MYRIP: variants seen among roughly 807,000 people sequenced by gnomAD.
MYRIP encodes the protein myosin VIIA and Rab interacting protein.
A neutral mutation model predicts 98.0 loss-of-function variants in MYRIP; 49 were observed. That is an observed-to-expected ratio of 0.50 (90% CI 0.40 to 0.63). The LOEUF (loss-of-function observed/expected upper bound fraction) is 0.63. Ranked by LOEUF, MYRIP falls within the 30% of genes least tolerant of loss-of-function variation. The probability of loss-of-function intolerance (pLI) is 0.00; values close to 1 mark genes in which losing one functional copy is unlikely to be tolerated. For missense variants in MYRIP, 1,004 were observed against 1,058.2 expected, an observed-to-expected ratio of 0.95 and a Z score of 0.71; for synonymous variants, 404 against 409.5, an observed-to-expected ratio of 0.99 and a Z score of 0.16.
intron 2 of MYRIP, among the ~76,000 whole-genome samples, chr3:40,025,158 C>G (rs1450341952): frequency 6.6e-6 from 1 of 152,176 alleles, no homozygotes; most frequent in Non-Finnish European, 1.5e-5. Flanking sequence ...GTAGCCTTAT[C>G]AGACAGCACT....
intron 3 of MYRIP, among the ~76,000 whole-genome samples, chr3:40,081,293 A>G (rs772224305): frequency 2.0e-5 from 3 of 152,126 alleles, no homozygotes; most frequent in Non-Finnish European, 4.4e-5. Context: ...TTCTTCCTCA[A>G]TTTTTGACTG....
At position 39,922,924 on chromosome 3, in the gene MYRIP, TA is replaced by T. The variant is rs546917984; in HGVS notation, c.110+22004del. Reference sequence around the variant, plus strand: ...GCAAAGATTTTAAAGCAGCCATGATTAAAAAATATATTTCAATGAGCAATTT... The same window carrying T: ...GCAAAGATTTTAAAGCAGCCATGATTAAAAATATATTTCAATGAGCAATTT... On this transcript the variant is annotated intron_variant, in intron 2 of 16. Transcript: ENST00000302541. Among the ~76,000 whole-genome samples, 362 of 152,168 alleles carry T rather than the reference TA, an allele frequency of 2.4e-3. 3 individuals are homozygous for T. The highest frequency in any genetic ancestry group is 0.02 in the Middle Eastern group (6 of 294).
At chr3:39,875,861 T>C (rs1942975991) in intron 1 of MYRIP, among the ~76,000 whole-genome samples, 1 of 152,046 alleles carries the variant, frequency 6.6e-6, no homozygotes, top group South Asian at 2.1e-4. Context: ...TTAGGTGCAC[T>C]TGGTGCAGAG....
At chr3:40,168,947 C>T (rs953651188) in intron 7 of MYRIP, among the ~76,000 whole-genome samples, 1 of 152,340 alleles carries the variant, frequency 6.6e-6, no homozygotes. Flanking sequence ...ACATCCCTTC[C>T]GTATGCCAAG....
At position 40,167,157 on chromosome 3, in the gene MYRIP, A is replaced by G; in HGVS notation, c.649-2A>G. Reference sequence around the variant, plus strand: ...CACACAGCCATTCTCTTCCCTCCTCAGGACAAGCAAAATGAGGCCAGTTAC... The same window carrying G: ...CACACAGCCATTCTCTTCCCTCCTCGGGACAAGCAAAATGAGGCCAGTTAC... On this transcript the variant is annotated splice_acceptor_variant, in intron 6 of 16. Transcript: ENST00000302541. LOFTEE classifies it high-confidence loss of function. 3 of 1,614,112 alleles carry G rather than the reference A, an allele frequency of 1.9e-6. No individual in the cohort carries two copies. Among genetic ancestry groups the G allele is most frequent in the South Asian group, 1.1e-5 (1 of 91,076 alleles).
intron 5 of MYRIP, 152 bp downstream of exon 5, chr3:40,162,962 G>C (rs899287423): frequency 1.6e-6 from 1 of 627,090 alleles, no homozygotes; most frequent in African/African-American, 1.8e-5. Context: ...ACTTATTATT[G>C]CCAATTGTAT....
chr3:40,008,578 C>A (rs1393006340), intron 2 of MYRIP, among the ~76,000 whole-genome samples: 1 of 152,126 alleles, frequency 6.6e-6, no homozygotes, highest in African/African-American at 2.4e-5. Flanking sequence ...ATTCCAGAAT[C>A]AAGAGCCAGC....
At chr3:40,057,217 A>G (rs1388326366) in intron 3 of MYRIP, among the ~76,000 whole-genome samples, 2 of 152,148 alleles carry the variant, frequency 1.3e-5, no homozygotes, top group East Asian at 3.9e-4. Flanking sequence ...ATTCACAAAA[A>G]GAGCCTCAAT....
At chr3:39,959,673 T>TA (rs1945272377) in intron 2 of MYRIP, among the ~76,000 whole-genome samples, 1 of 143,520 alleles carries the variant, frequency 7.0e-6, no homozygotes, top group African/African-American at 2.9e-5. Flanking sequence ...AAAGTATACT[T>TA]TAAAAAAAAA....
At chr3:39,826,822 A>T (rs906468749) in intron 1 of MYRIP, among the ~76,000 whole-genome samples, 3 of 152,118 alleles carry the variant, frequency 2.0e-5, no homozygotes, top group Non-Finnish European at 4.4e-5. Flanking sequence ...ATGCTCCAGT[A>T]TTGGTTGCAT....
chr3:39,970,669 A>T (rs1346897908), intron 2 of MYRIP, among the ~76,000 whole-genome samples: 1 of 152,098 alleles, frequency 6.6e-6, no homozygotes, highest in South Asian at 2.1e-4. Flanking sequence ...AAAATATTTG[A>T]GATCAGTGGG....
intron 2 of MYRIP, among the ~76,000 whole-genome samples, chr3:40,031,312 C>T (rs917156803): frequency 2.6e-5 from 4 of 152,078 alleles, no homozygotes; most frequent in Admixed American, 2.6e-4. Flanking sequence ...AAACATCACA[C>T]TGGGGGTTAG....
At chr3:40,238,408 T>G (rs1319202176) in intron 12 of MYRIP, among the ~76,000 whole-genome samples, 1 of 152,314 alleles carries the variant, frequency 6.6e-6, no homozygotes, top group Non-Finnish European at 1.5e-5. Context: ...CATTAAATCA[T>G]GGCTTTTGTT....
intron 2 of MYRIP, among the ~76,000 whole-genome samples, chr3:40,003,197 A>G (rs1342093255): frequency 1.3e-5 from 2 of 152,146 alleles, no homozygotes; most frequent in South Asian, 4.1e-4. Flanking sequence ...ATAGATATCT[A>G]TAAATGTGGA....
At chr3:39,866,033 T>C (rs981008527) in intron 1 of MYRIP, among the ~76,000 whole-genome samples, 1 of 152,140 alleles carries the variant, frequency 6.6e-6, no homozygotes, top group Admixed American at 6.6e-5. Context: ...GCAACATCAG[T>C]GTAGTTAGAG....
chr3:40,060,148 T>A (rs536366986), intron 3 of MYRIP, among the ~76,000 whole-genome samples: 83 of 150,064 alleles, frequency 5.5e-4, no homozygotes, highest in African/African-American at 1.5e-3. Context: ...TGAGTCTTTT[T>A]AAAAAAAAAA....
intron 12 of MYRIP, chr3:40,242,082 T>A (rs1041069972): frequency 6.6e-6 from 1 of 152,200 alleles, no homozygotes; most frequent in African/African-American, 2.4e-5. Flanking sequence ...TGAGATCACT[T>A]CTAGGCTCCA....
At chr3:39,886,857 A>C (rs2125652527) in intron 1 of MYRIP, among the ~76,000 whole-genome samples, 1 of 152,056 alleles carries the variant, frequency 6.6e-6, no homozygotes, top group Admixed American at 6.6e-5. Context: ...CATCTACAGA[A>C]CTCTCCACCC....
chr3:39,873,742 C>G (rs1279092536), intron 1 of MYRIP, among the ~76,000 whole-genome samples: 5 of 151,162 alleles, frequency 3.3e-5, no homozygotes, highest in Non-Finnish European at 7.4e-5. Flanking sequence ...GTTACTGTAG[C>G]CTTGTAGTAT....
Sources: gnomAD v4.1 joint callset for allele counts (sites outside exome capture counted in the v4.1 genomes callset) on GRCh38, gnomAD v4.1.1 for gene constraint, MANE v1.5 for transcripts, NCBI Gene and HGNC (gene_info 2026-07-23, HGNC 2026-07-21) for gene names.